Variants in SGMS1 observed in about 807,000 individuals in gnomAD.
The protein encoded by SGMS1 is sphingomyelin synthase 1.
In SGMS1, 13 loss-of-function variants were observed where a neutral mutation model predicts 46.2. The observed-to-expected ratio is 0.28, with a 90% CI of 0.18 to 0.45. The LOEUF is 0.45. SGMS1 is among the 20% of genes least tolerant of loss of function. The pLI, the probability that SGMS1 is intolerant of heterozygous loss-of-function variation, is 1.00. For synonymous variants in SGMS1, 203 were observed against 187.8 expected, an observed-to-expected ratio of 1.08 and a Z score of -0.66; for missense variants, 324 against 519.9, an observed-to-expected ratio of 0.62 and a Z score of 3.66.
intron 2 of SGMS1, among the ~76,000 whole-genome samples, chr10:50,588,779 G>C (rs1838511538): frequency 7.2e-6 from 1 of 139,344 alleles, no homozygotes; most frequent in Admixed American, 7.7e-5. Flanking sequence ...ACTTAGACTG[G>C]AGTGCAGAGG....
chr10:50,348,170 G>A (rs951931702), intron 6 of SGMS1, among the ~76,000 whole-genome samples: 4 of 152,090 alleles, frequency 2.6e-5, no homozygotes, highest in African/African-American at 7.2e-5. Context: ...CTTCACCCAT[G>A]TCCCTGCTAT....
chr10:50,342,024 A>G lies in SGMS1; in HGVS notation c.623+1468T>C, dbSNP rs184797803. Among the ~76,000 whole-genome samples, 37 of 152,334 alleles carry G rather than the reference A, an allele frequency of 2.4e-4. No homozygotes were observed. In the East Asian group the frequency reaches 7.1e-3, roughly 29 times the overall value. Reference sequence around the variant, plus strand: ...TATTTGCCTGAATTTAAAAATTTTGATGAAAAACCGGAAAAGGAGCAAACT... The same window carrying G: ...TATTTGCCTGAATTTAAAAATTTTGGTGAAAAACCGGAAAAGGAGCAAACT... On this transcript the variant is annotated intron_variant, in intron 7 of 10. Coordinates refer to ENST00000361781, the MANE Select transcript of SGMS1 (RefSeq NM_147156.4).
Position 50,316,592 on chromosome 10 carries a change from CCAGA to C in SGMS1, c.742-5181_742-5178del, listed in dbSNP as rs1847342170. On this transcript the variant is annotated intron_variant, in intron 8 of 10. Transcript: ENST00000361781. ...ATACTATTCCAACTACCATGAACAGCCAGACATTTTCTCAAAGTCCCTCTCTCCC... is the reference window on the plus strand; with the variant it reads ...ATACTATTCCAACTACCATGAACAGCCATTTTCTCAAAGTCCCTCTCTCCC... Among the ~76,000 whole-genome samples the C allele has an allele frequency of 2.6e-5, 4 of 152,152 alleles. No individual in the cohort carries two copies. In the South Asian group the frequency reaches 8.3e-4, roughly 32 times the overall value.
intron 2 of SGMS1, among the ~76,000 whole-genome samples, chr10:50,557,480 G>T (rs1232958564): frequency 6.6e-6 from 1 of 151,814 alleles, no homozygotes; most frequent in Non-Finnish European, 1.5e-5. Flanking sequence ...AGCAATATTA[G>T]TTGTTTATCT....
intron 6 of SGMS1, among the ~76,000 whole-genome samples, chr10:50,427,313 G>A (rs183359427): frequency 2.0e-5 from 3 of 152,162 alleles, no homozygotes; most frequent in East Asian, 1.9e-4. Context: ...GCAGGAGAAC[G>A]GCATGAACCC....
At chr10:50,403,747 T>G (rs943440076) in intron 6 of SGMS1, among the ~76,000 whole-genome samples, 1 of 148,590 alleles carries the variant, frequency 6.7e-6, no homozygotes, top group African/African-American at 2.5e-5. Flanking sequence ...GACACCAACA[T>G]CTAGTATGTC....
intron 2 of SGMS1, among the ~76,000 whole-genome samples, chr10:50,553,937 C>A (rs1564430544): frequency 6.6e-6 from 1 of 152,172 alleles, no homozygotes; most frequent in Non-Finnish European, 1.5e-5. Context: ...AGGAAAGGCA[C>A]AAGGCACCTG....
intron 5 of SGMS1, among the ~76,000 whole-genome samples, chr10:50,456,695 C>A (rs2133676117): frequency 6.6e-6 from 1 of 152,186 alleles, no homozygotes; most frequent in Non-Finnish European, 1.5e-5. Flanking sequence ...CAGGGTTTGG[C>A]CCATGTGAAA....
At chr10:50,377,681 A>T (rs1848539031) in intron 6 of SGMS1, among the ~76,000 whole-genome samples, 1 of 152,096 alleles carries the variant, frequency 6.6e-6, no homozygotes, top group Non-Finnish European at 1.5e-5. Context: ...AATAACCACA[A>T]ACTGGGGGGC....
intron 3 of SGMS1, among the ~76,000 whole-genome samples, chr10:50,492,190 A>C (rs1190879663): frequency 6.6e-6 from 1 of 152,228 alleles, no homozygotes; most frequent in Non-Finnish European, 1.5e-5. Context: ...AGCCATCTAC[A>C]ACAAACCCAC....
intron 6 of SGMS1, among the ~76,000 whole-genome samples, chr10:50,428,402 T>C (rs1416737711): frequency 6.6e-6 from 1 of 152,106 alleles, no homozygotes; most frequent in African/African-American, 2.4e-5. Flanking sequence ...AAGCTAGCCA[T>C]GGGGCATCAG....
At chr10:50,343,415 T>C in intron 7 of SGMS1, 77 bp downstream of exon 7, 1 of 1,416,848 alleles carries the variant, frequency 7.1e-7, no homozygotes, top group South Asian at 1.5e-5. Flanking sequence ...TTGATAAATT[T>C]CATTTATAAA....
At chr10:50,391,838 A>C (rs1361942682) in intron 6 of SGMS1, among the ~76,000 whole-genome samples, 13 of 133,470 alleles carry the variant, frequency 9.7e-5, no homozygotes, top group African/African-American at 3.8e-4. Context: ...TTATGCAATC[A>C]TTAAAAAAAA....
At chr10:50,571,145 A>G (rs1838333309) in intron 2 of SGMS1, among the ~76,000 whole-genome samples, 1 of 152,246 alleles carries the variant, frequency 6.6e-6, no homozygotes, top group Non-Finnish European at 1.5e-5. Flanking sequence ...AGCAAGAAAT[A>G]GAATAACCAA....
chr10:50,447,958 C>G (rs1837046440), intron 5 of SGMS1, among the ~76,000 whole-genome samples: 1 of 152,178 alleles, frequency 6.6e-6, no homozygotes, highest in Admixed American at 6.5e-5. Flanking sequence ...GCTGGTTCAA[C>G]TGGGATAGGT....
intron 3 of SGMS1, among the ~76,000 whole-genome samples, chr10:50,507,063 A>G (rs1274965502): frequency 2.0e-5 from 3 of 152,196 alleles, no homozygotes; most frequent in Admixed American, 2.0e-4. Flanking sequence ...CCCCAGGCTT[A>G]TAGGCCCAGA....
At chr10:50,543,747 G>A (rs928741892) in intron 2 of SGMS1, among the ~76,000 whole-genome samples, 5 of 152,126 alleles carry the variant, frequency 3.3e-5, no homozygotes, top group African/African-American at 1.2e-4. Context: ...AGCTTAATTT[G>A]GCCCAATGAC....
At chr10:50,614,832 G>C (rs1838782065) in intron 1 of SGMS1, among the ~76,000 whole-genome samples, 1 of 152,222 alleles carries the variant, frequency 6.6e-6, no homozygotes, top group Non-Finnish European at 1.5e-5. Flanking sequence ...CTAAACTCCA[G>C]GGCATTCTTT....
intron 6 of SGMS1, among the ~76,000 whole-genome samples, chr10:50,391,524 C>G (rs1354267867): frequency 6.6e-6 from 1 of 152,096 alleles, no homozygotes; most frequent in African/African-American, 2.4e-5. Context: ...GTAACAGATA[C>G]TGGCAAGATT....
Sources: allele counts gnomAD v4.1 joint callset (sites outside exome capture counted in the v4.1 genomes callset), GRCh38; gene constraint gnomAD v4.1.1; transcripts MANE v1.5; gene names NCBI Gene and HGNC (gene_info 2026-07-23, HGNC 2026-07-21).